Variants in DACH2 observed in about 807,000 individuals in gnomAD.
DACH2 encodes the protein dachshund homolog 2.
In DACH2, 17 loss-of-function variants were observed where a neutral mutation model predicts 35.8. That is an observed-to-expected ratio of 0.48 (90% CI 0.33 to 0.71). DACH2 has a LOEUF of 0.71. Ranked by LOEUF, DACH2 falls within the 30% of genes least tolerant of loss-of-function variation. DACH2 has a pLI of 0.02. For missense variants in DACH2, 469 were observed against 472.7 expected, an observed-to-expected ratio of 0.99 and a Z score of 0.07; for synonymous variants, 195 against 177.3, an observed-to-expected ratio of 1.10 and a Z score of -0.79.
At chrX:86,226,463 C>T (rs2032825372) in intron 1 of DACH2, among the ~76,000 whole-genome samples, 1 of 111,378 alleles carries the variant, frequency 9.0e-6, no homozygotes, top group African/African-American at 3.2e-5. Context: ...TAACATGAGT[C>T]TTTCTTTTGT....
intron 3 of DACH2, among the ~76,000 whole-genome samples, chrX:86,562,576 A>G (rs2039238313): frequency 9.0e-6 from 1 of 111,626 alleles, no homozygotes; most frequent in African/African-American, 3.2e-5. Flanking sequence ...TTAAAATTGT[A>G]TACACATATA....
At chrX:86,674,276 T>C (rs768767895) in intron 4 of DACH2, among the ~76,000 whole-genome samples, 1 of 112,584 alleles carries the variant, frequency 8.9e-6, no homozygotes, top group East Asian at 2.8e-4. Context: ...AAAAGAGAAA[T>C]AATTTGCCAC....
At chrX:86,197,455 T>G (rs2147898173) in intron 1 of DACH2, among the ~76,000 whole-genome samples, 1 of 111,083 alleles carries the variant, frequency 9.0e-6, no homozygotes, top group African/African-American at 3.3e-5. Context: ...AATTAAAAGG[T>G]GATGAATGGC....
chrX:86,228,331 C>T (rs190493164), intron 1 of DACH2, among the ~76,000 whole-genome samples: 136 of 110,186 alleles, frequency 1.2e-3, no homozygotes, highest in African/African-American at 4.3e-3. Context: ...TTTATCCACT[C>T]GTTGATTGAA....
At chrX:86,453,034 T>G (rs2037408670) in intron 2 of DACH2, among the ~76,000 whole-genome samples, 1 of 111,779 alleles carries the variant, frequency 8.9e-6, no homozygotes, top group Non-Finnish European at 1.9e-5. Flanking sequence ...TCTCATTAGT[T>G]TCAAAGAACT....
At chrX:86,599,669 G>A (rs1222759762) in intron 3 of DACH2, among the ~76,000 whole-genome samples, 1 of 109,453 alleles carries the variant, frequency 9.1e-6, no homozygotes, top group Admixed American at 9.9e-5. Flanking sequence ...GCTAATATTT[G>A]TATTTTTGGT....
chrX:86,572,623 T>C (rs2039385838), intron 3 of DACH2, among the ~76,000 whole-genome samples: 1 of 111,720 alleles, frequency 9.0e-6, no homozygotes, highest in Non-Finnish European at 1.9e-5. Context: ...GGAAAGCATT[T>C]AGTATTTAGA....
intron 4 of DACH2, among the ~76,000 whole-genome samples, chrX:86,684,533 T>C (rs749408038): frequency 1.3e-3 from 142 of 111,180 alleles, no homozygotes; most frequent in African/African-American, 4.5e-3. Flanking sequence ...GTATATATAC[T>C]TAAATTATGT....
chrX:86,523,215 C>T (rs2038583371), intron 3 of DACH2, among the ~76,000 whole-genome samples: 1 of 111,645 alleles, frequency 9.0e-6, no homozygotes, highest in Non-Finnish European at 1.9e-5. Flanking sequence ...CAGCACTCAA[C>T]TCGGGATTAG....
At chrX:86,434,117 T>C (rs1279348365) in intron 2 of DACH2, among the ~76,000 whole-genome samples, 1 of 112,368 alleles carries the variant, frequency 8.9e-6, no homozygotes, top group Non-Finnish European at 1.9e-5. Flanking sequence ...ACAAGGAGGA[T>C]TTCATTCATT....
At chrX:86,472,837 A>T (rs768902157) in intron 2 of DACH2, among the ~76,000 whole-genome samples, 109 of 112,050 alleles carry the variant, frequency 9.7e-4, no homozygotes, top group African/African-American at 3.3e-3. Flanking sequence ...GACACATTAA[A>T]TATCGATAGA....
At chrX:86,684,131 G>T (rs2040914972) in intron 4 of DACH2, among the ~76,000 whole-genome samples, 2 of 111,680 alleles carry the variant, frequency 1.8e-5, no homozygotes, top group African/African-American at 6.5e-5. Context: ...AAAACTTTCT[G>T]TGTGAGTAAT....
At chrX:86,234,566 A>C (rs1479953415) in intron 1 of DACH2, among the ~76,000 whole-genome samples, 2 of 110,171 alleles carry the variant, frequency 1.8e-5, no homozygotes, top group African/African-American at 6.6e-5. Flanking sequence ...TAATATGGTA[A>C]ATTTCTTATA....
intron 5 of DACH2, among the ~76,000 whole-genome samples, chrX:86,714,237 T>A (rs1181871514): frequency 8.9e-6 from 1 of 111,885 alleles, no homozygotes; most frequent in Admixed American, 9.5e-5. Context: ...AAGTTCTTAG[T>A]TTTGAAATGC....
chrX:86,315,343 C>T (rs1327211465), intron 1 of DACH2, among the ~76,000 whole-genome samples: 1 of 112,049 alleles, frequency 8.9e-6, no homozygotes, highest in Non-Finnish European at 1.9e-5. Context: ...TATTACTGTT[C>T]ATTGACAAAG....
intron 7 of DACH2, among the ~76,000 whole-genome samples, chrX:86,746,669 C>G (rs1338609155): frequency 9.0e-6 from 1 of 111,310 alleles, no homozygotes; most frequent in South Asian, 3.7e-4. Context: ...ATTATGGATA[C>G]AATATCTTTA....
chrX:86,529,956 C>G (rs1275191634), intron 3 of DACH2, among the ~76,000 whole-genome samples: 1 of 45,766 alleles, frequency 2.2e-5, no homozygotes, highest in Non-Finnish European at 4.4e-5. Context: ...TACACACACA[C>G]ACACACACAC....
intron 2 of DACH2, among the ~76,000 whole-genome samples, chrX:86,424,462 T>G (rs1056687614): frequency 1.2e-4 from 13 of 111,367 alleles, no homozygotes; most frequent in African/African-American, 3.9e-4. Flanking sequence ...GAGATTACTT[T>G]TTTATTTTTT....
At chrX:86,159,094 G>A (rs767679981) in intron 1 of DACH2, among the ~76,000 whole-genome samples, 7 of 110,904 alleles carry the variant, frequency 6.3e-5, no homozygotes, top group Non-Finnish European at 1.1e-4. Flanking sequence ...TGAGACACAC[G>A]TTTTTGTTAT....
Sources: gnomAD v4.1 joint callset for allele counts (sites outside exome capture counted in the v4.1 genomes callset) on GRCh38, gnomAD v4.1.1 for gene constraint, MANE v1.5 for transcripts, NCBI Gene and HGNC (gene_info 2026-07-23, HGNC 2026-07-21) for gene names.